Variants in LHX4 observed in about 807,000 individuals in gnomAD.
LHX4 encodes the protein LIM/homeobox protein Lhx4.
LHX4 carries 16 observed loss-of-function variants against 39.2 expected under a neutral mutation model. The observed-to-expected ratio is 0.41, with a 90% CI of 0.28 to 0.62. The LOEUF (loss-of-function observed/expected upper bound fraction) is 0.62, where lower values mean the gene tolerates loss of function less well. Among genes scored for constraint, LHX4 ranks in the 20% least tolerant of loss-of-function variants. The probability of loss-of-function intolerance (pLI) is 0.33; values close to 1 mark genes in which losing one functional copy is unlikely to be tolerated. For missense variants in LHX4, 439 were observed against 511.9 expected, an observed-to-expected ratio of 0.86 and a Z score of 1.37; for synonymous variants, 206 against 198.1, an observed-to-expected ratio of 1.04 and a Z score of -0.33.
At chr1:180,254,530 G>A (rs796695438) in intron 2 of LHX4, among the ~76,000 whole-genome samples, 5 of 152,374 alleles carry the variant, frequency 3.3e-5, no homozygotes, top group African/African-American at 1.2e-4. Flanking sequence ...TGGCTGCAGG[G>A]TGGTGGTGCT....
At chr1:180,273,495 A>G (rs574843111) in intron 5 of LHX4, 1 of 152,648 alleles carries the variant, frequency 6.6e-6, no homozygotes, top group African/African-American at 2.4e-5. Flanking sequence ...TTTCTCAAAG[A>G]CTAAAACTGC....
intron 3 of LHX4, chr1:180,269,537 C>G (rs919962789): frequency 1.3e-5 from 2 of 152,222 alleles, no homozygotes; most frequent in African/African-American, 4.8e-5. Flanking sequence ...AGCGGGCCAC[C>G]AACCAGGATG....
intron 1 of LHX4, among the ~76,000 whole-genome samples, chr1:180,238,902 G>C (rs940445987): frequency 6.6e-6 from 1 of 152,328 alleles, no homozygotes; most frequent in South Asian, 2.1e-4. Flanking sequence ...TTTTCCCTGC[G>C]TGGGGACTGC....
At position 180,233,092 on chromosome 1, in the gene LHX4, A is replaced by G. The variant is rs149633488; in HGVS notation, c.76+2487A>G. On this transcript the variant is annotated intron_variant, in intron 1 of 5. Coordinates refer to ENST00000263726, the MANE Select transcript of LHX4 (RefSeq NM_033343.4). ...CCCTCCCCTCTAGGGGCATTTTAGA[A>G]GAAGTGATTTAAATCCAGCTTATTT... Among the ~76,000 whole-genome samples the G allele has an allele frequency of 9.2e-3, 1,398 of 152,354 alleles. 14 individuals carry two copies. Among genetic ancestry groups the G allele is most frequent in the Middle Eastern group, 0.051 (15 of 294 alleles).
In LHX4 at chr1:180,277,990, C is replaced by A. The variant is rs1649141252; in HGVS notation, c.*3411C>A. 1 of 152,144 alleles carries A rather than the reference C, an allele frequency of 6.6e-6. No homozygotes were observed. The highest frequency in any genetic ancestry group is 2.4e-5 in the African/African-American group (1 of 41,432). 9.4% of individuals were successfully genotyped at this position (152,144 alleles called of 1,614,324 possible). ...AGAAATCTGTAAAACAAAAGACATT[C>A]CTATCTCAGAAGCTCAAACTGGTGA... is the stretch of plus-strand genomic sequence containing the variant. On this transcript the variant is annotated 3_prime_UTR_variant, in exon 6 of 6. Coordinates refer to ENST00000263726, the MANE Select transcript of LHX4 (RefSeq NM_033343.4).
chr1:180,229,965 G>GGGGT (rs1664130570), upstream of LHX4, among the ~76,000 whole-genome samples: 1 of 12,170 alleles, frequency 8.2e-5, no homozygotes. Flanking sequence ...GAGGCGGGGA[G>GGGGT]GGGGGGGGGG....
chr1:180,248,259 G>A (rs1170729983), intron 1 of LHX4, 26 bp from the exon 2 acceptor site: 3 of 1,612,402 alleles, frequency 1.9e-6, no homozygotes, highest in Non-Finnish European at 1.7e-6. Context: ...AAGGCTCACA[G>A]TGCCTCTCTC....
rs1649138564 is a variant in LHX4, at chr1:180,277,941, A to G, written c.*3362A>G. 6.6e-6 allele frequency: 1 copy of G among 152,124 alleles called. No individual in the cohort carries two copies. Among genetic ancestry groups the G allele is most frequent in the South Asian group, 2.1e-4 (1 of 4,828 alleles). 9.4% of individuals were successfully genotyped at this position (152,124 alleles called of 1,614,324 possible). A position where few individuals can be genotyped will look rare whatever the true frequency, so the allele number is the denominator to read the frequency against. ...ATTGGGCCATTAGATCTTCATCATT[A>G]AACTCACTTTGCAAGGAAGTGTAAG... On this transcript the variant is annotated 3_prime_UTR_variant, in exon 6 of 6. Transcript: ENST00000263726.
At chr1:180,250,472 A>G (rs1032837268) in intron 2 of LHX4, among the ~76,000 whole-genome samples, 19 of 152,200 alleles carry the variant, frequency 1.2e-4, no homozygotes, top group African/African-American at 4.6e-4. Context: ...TGCTTCTGTG[A>G]TGAGGTGTGT....
At chr1:180,271,095 C>G in intron 3 of LHX4, 1 of 500,744 alleles carries the variant, frequency 2.0e-6, no homozygotes, top group Non-Finnish European at 3.7e-6. Context: ...TACATTCAAT[C>G]TGATGAGACT....
At chr1:180,249,046 C>T (rs1647496505) in intron 2 of LHX4, among the ~76,000 whole-genome samples, 1 of 152,218 alleles carries the variant, frequency 6.6e-6, no homozygotes, top group Admixed American at 6.5e-5. Context: ...AGTCCAGGCT[C>T]TGCCTGTATT....
chr1:180,240,645 C>A (rs934251471), intron 1 of LHX4, among the ~76,000 whole-genome samples: 2 of 152,176 alleles, frequency 1.3e-5, no homozygotes, highest in Admixed American at 6.5e-5. Context: ...TCCTTGAGAG[C>A]AGTTTCTTGG....
At chr1:180,237,221 G>A (rs968818335) in intron 1 of LHX4, among the ~76,000 whole-genome samples, 2 of 152,062 alleles carry the variant, frequency 1.3e-5, no homozygotes, top group Admixed American at 6.5e-5. Flanking sequence ...CGGCGGGGGG[G>A]GCGGGGAGGA....
Position 180,230,722 on chromosome 1 carries a change from A to G in LHX4, c.76+117A>G. 3 of 954,022 alleles carry G rather than the reference A, an allele frequency of 3.1e-6. No homozygotes were observed. The highest frequency in any genetic ancestry group is 2.1e-4 in the Middle Eastern group (1 of 4,662). 59.1% of individuals were successfully genotyped at this position (954,022 alleles called of 1,614,324 possible). On this transcript the variant is annotated intron_variant, in intron 1 of 5. Transcript: ENST00000263726. The surrounding 1 kb of genome is among the most constrained non-coding windows in gnomAD (Gnocchi z 5.8). ...CGGGAGGGGCTGGCGGCCGGGGCGC[A>G]GAGGCGGTCACAGGGCAGGGGCACC...
intron 3 of LHX4, chr1:180,270,028 C>T (rs1400521993): frequency 6.6e-6 from 1 of 152,286 alleles, no homozygotes; most frequent in East Asian, 1.9e-4. Flanking sequence ...CATGTCCTGG[C>T]TGCACAGCTG....
In LHX4 at chr1:180,276,671, A is replaced by AAAAT. The variant is rs1301099252; in HGVS notation, c.*2094_*2097dup. The AAAAT allele has an allele frequency of 6.6e-6, 1 of 152,178 alleles. No individual in the cohort carries two copies. The highest frequency in any genetic ancestry group is 1.5e-5 in the Non-Finnish European group (1 of 68,028). 9.4% of individuals were successfully genotyped at this position (152,178 alleles called of 1,614,324 possible). ...ATACACCCTTCTTAGCAGGCTGCTT[A>AAAAT]AAATACACAGGAGAAAAGGCTCTGC... On this transcript the variant is annotated 3_prime_UTR_variant, in exon 6 of 6. Coordinates refer to ENST00000263726, the MANE Select transcript of LHX4 (RefSeq NM_033343.4).
intron 2 of LHX4, among the ~76,000 whole-genome samples, chr1:180,255,711 T>A (rs945331494): frequency 1.3e-5 from 2 of 152,192 alleles, no homozygotes; most frequent in African/African-American, 4.8e-5. Flanking sequence ...CAGGAGGTGA[T>A]GAGTCGGAGG....
intron 1 of LHX4, among the ~76,000 whole-genome samples, chr1:180,235,757 G>C (rs1487541166): frequency 6.6e-6 from 1 of 152,212 alleles, no homozygotes; most frequent in Non-Finnish European, 1.5e-5. Context: ...TGGCGGCACT[G>C]TGCGCCGCCG....
intron 1 of LHX4, among the ~76,000 whole-genome samples, chr1:180,246,275 T>C (rs1647379920): frequency 6.6e-6 from 1 of 152,222 alleles, no homozygotes; most frequent in South Asian, 2.1e-4. Context: ...AGGGTTTAAG[T>C]ACAAACGTCT....
Sources: allele counts gnomAD v4.1 joint callset (sites outside exome capture counted in the v4.1 genomes callset), GRCh38; gene constraint gnomAD v4.1.1; non-coding constraint Gnocchi (gnomAD v3.1); transcripts MANE v1.5; gene names NCBI Gene and HGNC (gene_info 2026-07-23, HGNC 2026-07-21).